Variants in WWOX observed in about 807,000 individuals in gnomAD.
WWOX encodes WW domain-containing oxidoreductase.
In WWOX, 69 loss-of-function variants were observed where a neutral mutation model predicts 46.2. The ratio of observed to expected loss-of-function variants is 1.49; its 90% CI spans 1.23 to 1.82. WWOX has a LOEUF of 1.82. WWOX is among the 40% of genes most tolerant of loss of function. The probability of loss-of-function intolerance (pLI) is 0.00; values close to 1 mark genes in which losing one functional copy is unlikely to be tolerated. For missense variants in WWOX, 919 were observed against 542.6 expected, an observed-to-expected ratio of 1.69 and a Z score of -6.89; for synonymous variants, 359 against 202.6, an observed-to-expected ratio of 1.77 and a Z score of -6.56.
chr16:78,899,013 A>G (rs2044764350), intron 8 of WWOX: 1 of 152,108 alleles, frequency 6.6e-6, no homozygotes, highest in Non-Finnish European at 1.5e-5. Context: ...TGTTAAATAG[A>G]TTCTGTAGAA....
At chr16:78,926,495 C>T (rs1231536802) in intron 8 of WWOX, among the ~76,000 whole-genome samples, 1 of 152,082 alleles carries the variant, frequency 6.6e-6, no homozygotes, top group Non-Finnish European at 1.5e-5. Context: ...CCATCCTTGT[C>T]TTTGAGGAGG....
At chr16:79,061,138 C>G (rs558348697) in intron 8 of WWOX, among the ~76,000 whole-genome samples, 2 of 152,238 alleles carry the variant, frequency 1.3e-5, no homozygotes, top group Admixed American at 6.5e-5. Flanking sequence ...TCTCTCAATC[C>G]TTTATGTTGA....
chr16:78,609,908 T>C (rs1004374016), intron 8 of WWOX, among the ~76,000 whole-genome samples: 1 of 152,232 alleles, frequency 6.6e-6, no homozygotes, highest in South Asian at 2.1e-4. Flanking sequence ...GGTTTCTCTA[T>C]TAAGAGCTTG....
Position 78,144,500 on chromosome 16 carries a change from C to CAT in WWOX, c.410-19660_410-19659dup, listed in dbSNP as rs1206539263. On this transcript the variant is annotated intron_variant, in intron 4 of 8. Transcript: ENST00000566780. The stretch of plus-strand genomic sequence containing the variant: ...ATATATATATATACACACACACACA[C>CAT]ATATATATATATATATATATATATT... Among the ~76,000 whole-genome samples, 132 of 21,870 alleles carry CAT rather than the reference C, an allele frequency of 6.0e-3. 16 individuals carry two copies. The highest frequency in any genetic ancestry group is 6.0e-3 in the Non-Finnish European group (72 of 12,070). The allele number at this position is 21,870 out of a possible 152,430, so 14.3% of individuals were successfully genotyped here.
At chr16:78,852,421 A>G (rs2052467796) in intron 8 of WWOX, among the ~76,000 whole-genome samples, 1 of 152,230 alleles carries the variant, frequency 6.6e-6, no homozygotes, top group South Asian at 2.1e-4. Flanking sequence ...ATACTCAAAC[A>G]GCACCATGGG....
intron 5 of WWOX, among the ~76,000 whole-genome samples, chr16:78,353,467 A>G (rs1403417294): frequency 6.6e-6 from 1 of 152,204 alleles, no homozygotes; most frequent in Non-Finnish European, 1.5e-5. Context: ...CAGCAGTGCC[A>G]CTGTAAGATG....
chr16:78,902,541 C>T (rs561995761), intron 8 of WWOX, among the ~76,000 whole-genome samples: 14 of 152,346 alleles, frequency 9.2e-5, no homozygotes, highest in African/African-American at 3.4e-4. Flanking sequence ...TCCCCCGTGA[C>T]TGCTGCGGGG....
chr16:78,422,852 C>CATATAT (rs1567563744), intron 6 of WWOX, among the ~76,000 whole-genome samples: 1 of 109,260 alleles, frequency 9.2e-6, no homozygotes, highest in African/African-American at 5.9e-5. Flanking sequence ...TATACACACA[C>CATATAT]ACACACACAC....
At chr16:78,923,682 G>A (rs184286577) in intron 8 of WWOX, among the ~76,000 whole-genome samples, 5 of 151,562 alleles carry the variant, frequency 3.3e-5, no homozygotes, top group South Asian at 2.1e-4. Context: ...TTAGTCGTGT[G>A]AACTTTATTC....
At chr16:78,203,759 C>G (rs1227961472) in intron 5 of WWOX, among the ~76,000 whole-genome samples, 1 of 152,110 alleles carries the variant, frequency 6.6e-6, no homozygotes, top group Non-Finnish European at 1.5e-5. Flanking sequence ...TCAAGAAGGT[C>G]TTGGGCAAGC....
At chr16:78,586,680 T>C (rs759213519) in intron 8 of WWOX, among the ~76,000 whole-genome samples, 2 of 152,262 alleles carry the variant, frequency 1.3e-5, no homozygotes, top group Non-Finnish European at 2.9e-5. Flanking sequence ...GTGTAGGATT[T>C]TGCTAAATCT....
intron 8 of WWOX, among the ~76,000 whole-genome samples, chr16:78,497,344 A>G (rs2084942460): frequency 6.6e-6 from 1 of 152,248 alleles, no homozygotes; most frequent in Non-Finnish European, 1.5e-5. Flanking sequence ...CTTAAACATA[A>G]GATCTGACAG....
At chr16:78,630,453 A>C (rs2151657988) in intron 8 of WWOX, among the ~76,000 whole-genome samples, 2 of 152,314 alleles carry the variant, frequency 1.3e-5, no homozygotes, top group East Asian at 3.9e-4. Flanking sequence ...TATGCTACAG[A>C]GAGGGTGCCT....
chr16:78,113,325 C>G (rs372827314), intron 3 of WWOX, among the ~76,000 whole-genome samples: 2 of 152,198 alleles, frequency 1.3e-5, no homozygotes, highest in African/African-American at 4.8e-5. Flanking sequence ...TCTCCTTTGC[C>G]TGTAAAGGGC....
intron 5 of WWOX, among the ~76,000 whole-genome samples, chr16:78,313,700 T>G (rs765162587): frequency 2.2e-4 from 34 of 152,204 alleles, no homozygotes; most frequent in African/African-American, 5.1e-4. Context: ...TTGCTTGCTT[T>G]CTTCTCTGTC....
chr16:78,776,485 T>C (rs1480137551), intron 8 of WWOX, among the ~76,000 whole-genome samples: 1 of 152,088 alleles, frequency 6.6e-6, no homozygotes, highest in Non-Finnish European at 1.5e-5. Context: ...TGACGATACA[T>C]AAATAGCACC....
At chr16:78,364,937 A>G (rs1173226679) in intron 5 of WWOX, among the ~76,000 whole-genome samples, 1 of 152,148 alleles carries the variant, frequency 6.6e-6, no homozygotes, top group African/African-American at 2.4e-5. Context: ...CTTTACAAAG[A>G]TGTTCCTGGT....
intron 8 of WWOX, among the ~76,000 whole-genome samples, chr16:78,852,514 T>C (rs536463762): frequency 2.6e-4 from 40 of 152,298 alleles, no homozygotes; most frequent in African/African-American, 7.9e-4. Context: ...TGGAAGCAGT[T>C]CCTCCAACCC....
intron 8 of WWOX, among the ~76,000 whole-genome samples, chr16:78,683,475 G>A (rs749374924): frequency 1.5e-4 from 23 of 151,948 alleles, no homozygotes; most frequent in Non-Finnish European, 2.8e-4. Flanking sequence ...GGGAGGTGGA[G>A]GTTGCAGTGA....
Sources: gnomAD v4.1 joint callset for allele counts (sites outside exome capture counted in the v4.1 genomes callset) on GRCh38, gnomAD v4.1.1 for gene constraint, MANE v1.5 for transcripts, NCBI Gene and HGNC (gene_info 2026-07-23, HGNC 2026-07-21) for gene names.